The following TTC17 variants were observed in gnomAD, a reference collection of about 807,000 sequenced individuals.
TTC17 encodes tetratricopeptide repeat domain 17, also known as tetratricopeptide repeat protein 17.
Under a neutral mutation model 143.8 loss-of-function variants are expected in TTC17, and 58 were observed. The ratio of observed to expected loss-of-function variants is 0.40; its 90% CI spans 0.33 to 0.50. The LOEUF (loss-of-function observed/expected upper bound fraction) is 0.50. Among genes scored for constraint, TTC17 ranks in the 20% least tolerant of loss-of-function variants. The pLI is 0.49. For synonymous variants in TTC17, 501 were observed against 497.8 expected, an observed-to-expected ratio of 1.01 and a Z score of -0.09; for missense variants, 1,273 against 1,392.5, an observed-to-expected ratio of 0.91 and a Z score of 1.37.
intron 1 of TTC17, among the ~76,000 whole-genome samples, chr11:43,368,801 C>G (rs961630936): frequency 2.6e-5 from 4 of 152,202 alleles, no homozygotes; most frequent in Non-Finnish European, 5.9e-5. Context: ...TCCTTATGGC[C>G]TACAAGGTCC....
chr11:43,387,511 T>A (rs1434489423), intron 2 of TTC17, among the ~76,000 whole-genome samples: 1 of 142,122 alleles, frequency 7.0e-6, no homozygotes, highest in Non-Finnish European at 1.5e-5. Context: ...TCCCCATTAA[T>A]AATAACCCCA....
At chr11:43,422,281 A>G (rs753709795) in intron 16 of TTC17, among the ~76,000 whole-genome samples, 2 of 152,154 alleles carry the variant, frequency 1.3e-5, no homozygotes, top group Non-Finnish European at 1.5e-5. Flanking sequence ...AGAAAGGAGC[A>G]GATTTGGGGA....
intron 21 of TTC17, among the ~76,000 whole-genome samples, chr11:43,464,873 A>G (rs1168883996): frequency 2.6e-5 from 4 of 152,244 alleles, no homozygotes; most frequent in Non-Finnish European, 5.9e-5. Context: ...TGAGAAGGGA[A>G]GGACAGAGAT....
Position 43,396,693 on chromosome 11 carries a change from C to T in TTC17, c.664-16C>T, listed in dbSNP as rs554301935. The T allele has an allele frequency of 4.1e-6, 6 of 1,451,602 alleles. No individual in the cohort carries two copies. The African/African-American group carries it at 5.6e-5, about 14-fold the overall frequency. 89.9% of individuals were successfully genotyped at this position (1,451,602 alleles called of 1,614,324 possible). A position where few individuals can be genotyped will look rare whatever the true frequency, so the allele number is the denominator to read the frequency against. ...GTCTTGAGTCGTGTTTGTAATTTTA[C>T]TTTTTTAATCTCTAGAACACTTCCT... On this transcript the variant is annotated splice_polypyrimidine_tract_variant and intron_variant, in intron 5 of 23. Transcript: ENST00000039989.
chr11:43,470,964 ATTAT>A (rs1337847004), intron 21 of TTC17, among the ~76,000 whole-genome samples: 1 of 152,152 alleles, frequency 6.6e-6, no homozygotes, highest in Non-Finnish European at 1.5e-5. Context: ...AATACTAGTC[ATTAT>A]TTATTATTTC....
chr11:43,443,556 G>A lies in TTC17; in HGVS notation c.2483G>A (p.Arg828Lys). The A allele has an allele frequency of 6.2e-7, 1 of 1,612,846 alleles. No individual in the cohort carries two copies. Among genetic ancestry groups the A allele is most frequent in the South Asian group, 1.1e-5 (1 of 90,944 alleles). ...VARSSCYGDC[R>K]SEDDEATEWI... ...AGAAGCTCTTGCTATGGAGACTGCA[G>A]AAGTGAAGATGATGAAGCAACAGAA... Residue 828 changes from arginine to lysine, a missense_variant, in exon 17 of 24, where the codon AGA becomes AAA. Transcript: ENST00000039989.
At chr11:43,390,865 G>C (rs956199750) in intron 3 of TTC17, among the ~76,000 whole-genome samples, 6 of 152,078 alleles carry the variant, frequency 3.9e-5, no homozygotes, top group Non-Finnish European at 7.4e-5. Context: ...TAGAGAGACT[G>C]TCAGTGGAAG....
intron 21 of TTC17, among the ~76,000 whole-genome samples, chr11:43,479,911 TGA>T (rs1948254817): frequency 6.6e-6 from 1 of 152,030 alleles, no homozygotes; most frequent in Non-Finnish European, 1.5e-5. Flanking sequence ...AAGGGTGCAG[TGA>T]GCCTGGGTCT....
At chr11:43,480,438 G>T (rs1339173434) in intron 21 of TTC17, among the ~76,000 whole-genome samples, 1 of 152,026 alleles carries the variant, frequency 6.6e-6, no homozygotes, top group East Asian at 1.9e-4. Context: ...AATGAAGAAA[G>T]AATAAAGATA....
intron 21 of TTC17, among the ~76,000 whole-genome samples, chr11:43,476,836 A>G (rs563415800): frequency 2.0e-5 from 3 of 151,692 alleles, no homozygotes; most frequent in East Asian, 3.9e-4. Flanking sequence ...TCAGGGATTA[A>G]CATTAGACTC....
In TTC17 at chr11:43,433,532, G is replaced by T. The variant is rs1168914087; in HGVS notation, c.2252-9793G>T. On this transcript the variant is annotated intron_variant, in intron 16 of 23. Coordinates refer to ENST00000039989, the MANE Select transcript of TTC17 (RefSeq NM_018259.6). ...TTTGAGGACAAGACATTCTTAGAAT[G>T]CACATGGCTTGCACAAGATGTCTGA... 2.0e-5 allele frequency among the ~76,000 whole-genome samples: 3 copies of T among 152,174 alleles called. 1 individual carries two copies. Among genetic ancestry groups the T allele is most frequent in the Admixed American group, 2.0e-4 (3 of 15,270 alleles).
At chr11:43,401,239 T>C (rs963346187) in intron 9 of TTC17, among the ~76,000 whole-genome samples, 2 of 152,186 alleles carry the variant, frequency 1.3e-5, no homozygotes, top group African/African-American at 2.4e-5. Flanking sequence ...AGTCCCTTTG[T>C]TTTTGTAGGT....
intron 16 of TTC17, among the ~76,000 whole-genome samples, chr11:43,441,079 G>A (rs1171000547): frequency 6.6e-6 from 1 of 151,036 alleles, no homozygotes; most frequent in Non-Finnish European, 1.5e-5. Context: ...AGACCAGCCT[G>A]GCCAACATAG....
At chr11:43,404,860 A>C (rs1858038495) in intron 11 of TTC17, among the ~76,000 whole-genome samples, 1 of 152,200 alleles carries the variant, frequency 6.6e-6, no homozygotes, top group South Asian at 2.1e-4. Flanking sequence ...ATCATAAAAC[A>C]ATTGTTAAAC....
chr11:43,389,619 G>T (rs1262801647), intron 2 of TTC17, 33 bp from the exon 3 acceptor site: 1 of 1,561,302 alleles, frequency 6.4e-7, no homozygotes, highest in Non-Finnish European at 8.6e-7. Context: ...AATATTAGAA[G>T]AATCCATTCT....
chr11:43,457,024 A>T (rs1232393751), intron 21 of TTC17, among the ~76,000 whole-genome samples: 1 of 152,056 alleles, frequency 6.6e-6, no homozygotes, highest in South Asian at 2.1e-4. Context: ...TACTACTTGG[A>T]TGGGAGACTG....
chr11:43,482,085 C>G (rs958277797), intron 21 of TTC17, among the ~76,000 whole-genome samples: 3 of 152,138 alleles, frequency 2.0e-5, no homozygotes, highest in African/African-American at 7.2e-5. Context: ...GCTGGGATTA[C>G]AGCCACCATG....
At chr11:43,405,476 T>C in intron 11 of TTC17, 38 bp from the exon 12 acceptor site, 2 of 1,484,410 alleles carry the variant, frequency 1.3e-6, no homozygotes, top group Non-Finnish European at 1.9e-6. Context: ...AAATATTGAA[T>C]CCAAAGAAAT....
chr11:43,443,195 TA>T (rs1447405426), intron 16 of TTC17, 129 bp from the exon 17 acceptor site: 1 of 1,024,628 alleles, frequency 9.8e-7, no homozygotes, highest in Non-Finnish European at 1.4e-6. Context: ...ATGGAATTTT[TA>T]TTACATTGGG....
Sources: allele counts gnomAD v4.1 joint callset (sites outside exome capture counted in the v4.1 genomes callset), GRCh38; gene constraint gnomAD v4.1.1; transcripts MANE v1.5; gene names NCBI Gene and HGNC (gene_info 2026-07-23, HGNC 2026-07-21).